Variants in FSTL4 observed in about 807,000 individuals in gnomAD.
FSTL4 encodes the protein follistatin-related protein 4.
FSTL4 carries 28 observed loss-of-function variants against 78.2 expected under a neutral mutation model. The ratio of observed to expected loss-of-function variants is 0.36; its 90% confidence interval spans 0.27 to 0.49. The LOEUF (loss-of-function observed/expected upper bound fraction) is 0.49. FSTL4 is among the 20% of genes least tolerant of loss of function. FSTL4 has a pLI of 0.98. For missense variants in FSTL4, 922 were observed against 1,084.9 expected (o/e 0.85, Z 2.11); for synonymous variants, 422 against 440.5 (o/e 0.96, Z 0.53).
At chr5:133,249,912 CA>C in intron 6 of FSTL4, among the ~76,000 whole-genome samples, 1 of 152,220 alleles carries the variant, frequency 6.6e-6, no homozygotes, top group East Asian at 1.9e-4. Context: ...GACCGGGGGG[CA>C]GGGGTGCAGC....
chr5:133,837,956 C>T, the FSTL4 span, among the ~76,000 whole-genome samples: 7 of 152,126 alleles, frequency 4.6e-5, no homozygotes, highest in Admixed American at 2.6e-4. Flanking sequence ...GGCACAATCT[C>T]GGCTCACTGC....
intron 3 of FSTL4, among the ~76,000 whole-genome samples, chr5:133,510,764 C>T (rs184648548): frequency 6.6e-6 from 1 of 152,186 alleles, no homozygotes; most frequent in Admixed American, 6.5e-5. Flanking sequence ...AGGAGCTTTG[C>T]GATCCTGTCC....
At chr5:133,570,392 G>C (rs900740060) in intron 2 of FSTL4, among the ~76,000 whole-genome samples, 7 of 152,062 alleles carry the variant, frequency 4.6e-5, no homozygotes, top group Non-Finnish European at 7.4e-5. Flanking sequence ...GCACGATCTC[G>C]ACTCACTGCA....
At chr5:133,597,686 G>A (rs1760765801) in intron 2 of FSTL4, among the ~76,000 whole-genome samples, 1 of 152,176 alleles carries the variant, frequency 6.6e-6, no homozygotes, top group South Asian at 2.1e-4. Context: ...GGCTGGCTGG[G>A]AGCAGTGGAG....
chr5:133,331,120 G>T (rs542946839), intron 4 of FSTL4, among the ~76,000 whole-genome samples: 1 of 152,162 alleles, frequency 6.6e-6, no homozygotes, highest in Non-Finnish European at 1.5e-5. Flanking sequence ...AGCAAGCCCC[G>T]CTGAGAGGGA....
the FSTL4 span, among the ~76,000 whole-genome samples, chr5:133,643,494 C>T: frequency 6.6e-6 from 1 of 152,092 alleles, no homozygotes; most frequent in Non-Finnish European, 1.5e-5. Context: ...TTCCTTCAGG[C>T]TGATGTGTGG....
chr5:133,222,688 C>T (rs1039390715), intron 11 of FSTL4, among the ~76,000 whole-genome samples: 1 of 152,216 alleles, frequency 6.6e-6, no homozygotes, highest in Non-Finnish European at 1.5e-5. Flanking sequence ...AACAAACAGT[C>T]ATTCAACAAG....
At chr5:133,473,242 A>AT (rs5871495) in intron 3 of FSTL4, among the ~76,000 whole-genome samples, 19,888 of 152,096 alleles carry the variant, frequency 0.13, 2,249 homozygotes, top group African/African-American at 0.31. Context: ...GAAAAAAAAA[A>AT]TCAATGGTGT....
At chr5:133,674,585 ATG>A in the FSTL4 span, among the ~76,000 whole-genome samples, 61,915 of 149,732 alleles carry the variant, frequency 0.41, 12,804 homozygotes, top group East Asian at 0.54. Flanking sequence ...AGACTTCCAT[ATG>A]TGTGTGTGTG....
chr5:133,352,835 T>A (rs925277872), intron 4 of FSTL4, among the ~76,000 whole-genome samples: 8 of 152,034 alleles, frequency 5.3e-5, no homozygotes, highest in East Asian at 1.9e-4. Flanking sequence ...ACCACATTTT[T>A]AAAAAATCCA....
chr5:133,346,146 A>C (rs1313151430), intron 4 of FSTL4, among the ~76,000 whole-genome samples: 2 of 152,230 alleles, frequency 1.3e-5, no homozygotes, highest in Non-Finnish European at 2.9e-5. Context: ...ACAGGAGCAG[A>C]AAACCAAACA....
At chr5:133,689,859 G>A in the FSTL4 span, among the ~76,000 whole-genome samples, 28 of 152,124 alleles carry the variant, frequency 1.8e-4, no homozygotes, top group South Asian at 1.5e-3. Flanking sequence ...TCAGGTGTTC[G>A]AGACCAGCCT....
chr5:133,656,615 T>G, the FSTL4 span, among the ~76,000 whole-genome samples: 1 of 152,068 alleles, frequency 6.6e-6, no homozygotes, highest in Non-Finnish European at 1.5e-5. Flanking sequence ...ACAGGCTTGG[T>G]GTGCTCAAGG....
the FSTL4 span, among the ~76,000 whole-genome samples, chr5:133,678,788 G>A: frequency 9.2e-5 from 14 of 152,280 alleles, no homozygotes; most frequent in African/African-American, 3.1e-4. Context: ...GGAAGGGAGT[G>A]CAGATCTAGG....
intron 2 of FSTL4, among the ~76,000 whole-genome samples, chr5:133,595,218 A>G (rs974556602): frequency 1.3e-5 from 2 of 152,234 alleles, no homozygotes; most frequent in Non-Finnish European, 2.9e-5. Flanking sequence ...CTGTTCCTAC[A>G]CACATCCCAT....
At chr5:133,460,495 C>A (rs561662057) in intron 3 of FSTL4, among the ~76,000 whole-genome samples, 1 of 152,350 alleles carries the variant, frequency 6.6e-6, no homozygotes, top group African/African-American at 2.4e-5. Flanking sequence ...ACACACATTT[C>A]TTTTCTTTCT....
intron 4 of FSTL4, among the ~76,000 whole-genome samples, chr5:133,325,674 C>CA (rs1561673017): frequency 6.6e-6 from 1 of 152,094 alleles, no homozygotes; most frequent in African/African-American, 2.4e-5. Flanking sequence ...AGACACAGGC[C>CA]ATCCCTGCAG....
the FSTL4 span, among the ~76,000 whole-genome samples, chr5:133,705,424 G>A: frequency 6.6e-6 from 1 of 152,140 alleles, no homozygotes; most frequent in Non-Finnish European, 1.5e-5. Flanking sequence ...CTGCCTGCAG[G>A]CTCCACACAC....
chr5:133,219,982 C>G (rs1362209859), intron 12 of FSTL4, among the ~76,000 whole-genome samples: 1 of 152,186 alleles, frequency 6.6e-6, no homozygotes, highest in Non-Finnish European at 1.5e-5. Flanking sequence ...TTCCCAAAGC[C>G]ACAAATGAGA....
Sources: allele counts gnomAD v4.1 joint callset (sites outside exome capture counted in the v4.1 genomes callset), GRCh38; gene constraint gnomAD v4.1.1; transcripts MANE v1.5; gene names NCBI Gene and HGNC (gene_info 2026-07-23, HGNC 2026-07-21).